The following MAP3K1 variants were observed in gnomAD, a reference collection of about 807,000 sequenced individuals.
The protein encoded by MAP3K1 is mitogen-activated protein kinase kinase kinase 1.
In MAP3K1, 36 loss-of-function variants were observed where a neutral mutation model predicts 144.2. The ratio of observed to expected loss-of-function variants is 0.25; its 90% CI spans 0.19 to 0.33. The LOEUF (loss-of-function observed/expected upper bound fraction) is 0.33. Among genes scored for constraint, MAP3K1 ranks in the 10% least tolerant of loss-of-function variants. The pLI is 1.00. For missense variants in MAP3K1, 1,650 were observed against 1,881.9 expected (o/e 0.88, Z 2.28); for synonymous variants, 718 against 688.7 (o/e 1.04, Z -0.67).
chr5:56,865,234 A>G, intron 4 of MAP3K1, 106 bp from the exon 5 acceptor site: 1 of 743,016 alleles, frequency 1.3e-6, no homozygotes, highest in Non-Finnish European at 2.4e-6. Context: ...ATGAATTAAT[A>G]GAAACTTTAG....
Position 56,824,528 on chromosome 5 carries a change from A to G in MAP3K1, c.482+8473A>G, listed in dbSNP as rs12655264. 0.027 allele frequency among the ~76,000 whole-genome samples: 4,135 copies of G among 152,276 alleles called. 468 individuals are homozygous for G. The East Asian group carries it at 0.33, about 12-fold the overall frequency. On this transcript the variant is annotated intron_variant, in intron 1 of 19. Coordinates refer to ENST00000399503, the MANE Select transcript of MAP3K1 (RefSeq NM_005921.2). The stretch of plus-strand genomic sequence containing the variant: ...AGTGAGAGGAGAGAGGGAGAATAGG[A>G]CTCAAAACATTGCAGTCGGGGGCCA...
At position 56,888,307 on chromosome 5, in the gene MAP3K1, C is replaced by A; in HGVS notation, c.4339C>A (p.Pro1447Thr). The A allele has an allele frequency of 1.2e-6, 2 of 1,613,900 alleles. No homozygotes were observed. Among genetic ancestry groups the A allele is most frequent in the East Asian group, 4.5e-5 (2 of 44,868 alleles). ...TATTATAGAAATGGCTTGTGCAAAACCACCATGGAATGCAGAAAAACACTC... is the reference window on the plus strand; with the variant it reads ...TATTATAGAAATGGCTTGTGCAAAAACACCATGGAATGCAGAAAAACACTC... ...CAIIEMACAK[P>T]PWNAEKHSNH... The change falls in exon 19 of 20, where the codon CCA becomes ACA. Residue 1447 changes from proline (P) to threonine (T), a missense_variant. By Grantham distance (38) the Pro-to-Thr change is conservative. Around this residue, in one of 6 missense-constraint regions of MAP3K1, gnomAD observed 165 missense variants for 322.9 expected, o/e 0.51. Transcript: ENST00000399503.
At chr5:56,836,136 C>G (rs117334011) in intron 1 of MAP3K1, among the ~76,000 whole-genome samples, 1 of 152,118 alleles carries the variant, frequency 6.6e-6, no homozygotes, top group Non-Finnish European at 1.5e-5. Flanking sequence ...TTTGTGGACT[C>G]GACTGAGGTT....
Position 56,893,613 on chromosome 5 carries a change from T to C in MAP3K1, c.4472T>C (p.Leu1491Pro). The change falls in exon 20 of 20, where the codon CTT becomes CCT. Residue 1491 changes from leucine (L) to proline (P), a missense_variant. Transcript: ENST00000399503. ...GATGTGGCTCTTCGTTGTTTAGAACTTCAACCTCAGGACAGACCTCCATCA... is the reference window on the plus strand; with the variant it reads ...GATGTGGCTCTTCGTTGTTTAGAACCTCAACCTCAGGACAGACCTCCATCA... ...LRDVALRCLE[L>P]QPQDRPPSRE... is the part of the protein sequence containing the mutation. 2 of 1,614,042 alleles carry C rather than the reference T, an allele frequency of 1.2e-6. No individual in the cohort carries two copies. The highest frequency in any genetic ancestry group is 1.7e-6 in the Non-Finnish European group (2 of 1,179,906).
chr5:56,832,454 G>A (rs1746522007), intron 1 of MAP3K1, among the ~76,000 whole-genome samples: 1 of 152,114 alleles, frequency 6.6e-6, no homozygotes, highest in South Asian at 2.1e-4. Flanking sequence ...TACACTGGAT[G>A]CCTTATATAA....
Position 56,865,396 on chromosome 5 carries a change from G to C in MAP3K1, c.1092G>C (p.Arg364=), listed in dbSNP as rs745890379. 1.2e-6 allele frequency: 2 copies of C among 1,612,564 alleles called. No individual in the cohort carries two copies. The highest frequency in any genetic ancestry group is 1.7e-6 in the Non-Finnish European group (2 of 1,178,826). ...TTCATCTGCTATTTGTGATGCTCCG[G>C]GTGTTTCAACTAGAACCTTCAGACC... ...FCIHLLFVML[R]VFQLEPSDPM... is the part of the protein sequence containing the mutation. Residue 364 remains arginine, a synonymous_variant, in exon 5 of 20, where the codon CGG becomes CGC. Transcript: ENST00000399503.
rs1421420896 is a variant in MAP3K1, at chr5:56,882,665, C to T, written c.3465C>T (p.Val1155=). The change falls in exon 14 of 20, where the codon GTC becomes GTT. Residue 1155 remains valine (V), a synonymous_variant. Transcript: ENST00000399503. ...TAACTTTTAAGTCAGAAGTTGCTGT[C>T]CTGTCTCCTGAAAAGGCTGAAAATG... ...TTVTFKSEVA[V]LSPEKAENDD... 6.2e-7 allele frequency: 1 copy of T among 1,614,074 alleles called. No individual in the cohort carries two copies. The highest frequency in any genetic ancestry group is 2.2e-5 in the East Asian group (1 of 44,868).
At chr5:56,884,929 G>C in intron 16 of MAP3K1, 103 bp downstream of exon 16, 1 of 1,131,512 alleles carries the variant, frequency 8.8e-7, no homozygotes, top group East Asian at 2.6e-5. Context: ...CAAATAGTTT[G>C]GGTTTCTAAA....
At chr5:56,893,041 A>G (rs1748595575) in intron 19 of MAP3K1, among the ~76,000 whole-genome samples, 1 of 152,064 alleles carries the variant, frequency 6.6e-6, no homozygotes, top group Non-Finnish European at 1.5e-5. Flanking sequence ...TGTATTTGAT[A>G]CTAAGAATCA....
At chr5:56,822,559 C>G (rs915349294) in intron 1 of MAP3K1, among the ~76,000 whole-genome samples, 1 of 152,150 alleles carries the variant, frequency 6.6e-6, no homozygotes, top group Non-Finnish European at 1.5e-5. Flanking sequence ...ACACTTCTTC[C>G]GTGGCGCCCA....
At chr5:56,826,610 G>GACGATGA (rs1746323532) in intron 1 of MAP3K1, among the ~76,000 whole-genome samples, 1 of 152,240 alleles carries the variant, frequency 6.6e-6, no homozygotes, top group Non-Finnish European at 1.5e-5. Context: ...GACGATGTAA[G>GACGATGA]CATCACAAGA....
intron 1 of MAP3K1, among the ~76,000 whole-genome samples, chr5:56,832,631 C>G (rs1041625309): frequency 2.0e-5 from 3 of 152,158 alleles, no homozygotes; most frequent in Non-Finnish European, 4.4e-5. Context: ...AGCCTGCGTT[C>G]TTAACCTTTA....
chr5:56,842,489 C>T (rs1241140286), intron 1 of MAP3K1, among the ~76,000 whole-genome samples: 1 of 152,162 alleles, frequency 6.6e-6, no homozygotes, highest in Non-Finnish European at 1.5e-5. Context: ...TAGAGTAGTA[C>T]TTAGAACAGA....
intron 1 of MAP3K1, among the ~76,000 whole-genome samples, chr5:56,828,917 A>G (rs1746399359): frequency 6.6e-6 from 1 of 152,152 alleles, no homozygotes; most frequent in African/African-American, 2.4e-5. Flanking sequence ...TCGCTTGGTA[A>G]CAATCATATT....
intron 1 of MAP3K1, among the ~76,000 whole-genome samples, chr5:56,833,653 G>A (rs1031385591): frequency 1.3e-5 from 2 of 152,144 alleles, no homozygotes; most frequent in African/African-American, 4.8e-5. Flanking sequence ...GAGCCTTGGC[G>A]GGGGCGGGGA....
In MAP3K1 at chr5:56,893,982, G is replaced by A; in HGVS notation, c.*302G>A. 2.3e-6 allele frequency: 1 copy of A among 433,810 alleles called. No homozygotes were observed. The highest frequency in any genetic ancestry group is 2.7e-5 in the South Asian group (1 of 36,794). 26.9% of individuals were successfully genotyped at this position (433,810 alleles called of 1,614,324 possible). ...TGCAGAAGCATAATTTTATTTTTTT[G>A]GAGCACTTTTTCAGCAATATTAGCG... On this transcript the variant is annotated 3_prime_UTR_variant, in exon 20 of 20. Transcript: ENST00000399503.
At chr5:56,819,248 C>T (rs958361942) in intron 1 of MAP3K1, among the ~76,000 whole-genome samples, 2 of 152,132 alleles carry the variant, frequency 1.3e-5, no homozygotes, top group African/African-American at 4.8e-5. Context: ...TATACGATTT[C>T]CAATGCACTA....
chr5:56,817,773 TA>T (rs1319845079), intron 1 of MAP3K1, among the ~76,000 whole-genome samples: 4 of 152,200 alleles, frequency 2.6e-5, no homozygotes. Flanking sequence ...ATACAATAAA[TA>T]ATTTAGCAAA....
intron 1 of MAP3K1, among the ~76,000 whole-genome samples, chr5:56,841,482 G>T (rs916599879): frequency 1.3e-5 from 2 of 152,116 alleles, no homozygotes; most frequent in African/African-American, 4.8e-5. Context: ...TAGCTACCAC[G>T]TAGATGGTGA....
Sources: allele counts gnomAD v4.1 joint callset (sites outside exome capture counted in the v4.1 genomes callset), GRCh38; gene constraint gnomAD v4.1.1; regional missense constraint gnomAD v4.1.1; transcripts MANE v1.5; gene names NCBI Gene and HGNC (gene_info 2026-07-23, HGNC 2026-07-21).